POU6F1: variants seen among roughly 807,000 people sequenced by gnomAD.
The protein encoded by POU6F1 is POU class 6 homeobox 1, also known as POU domain, class 6, transcription factor 1.
A neutral mutation model predicts 28.9 loss-of-function variants in POU6F1; 9 were observed. The ratio of observed to expected loss-of-function variants is 0.31; its 90% CI spans 0.19 to 0.54. The LOEUF (loss-of-function observed/expected upper bound fraction) is 0.54. POU6F1 is among the 20% of genes least tolerant of loss of function. POU6F1 has a pLI of 0.94. For synonymous variants in POU6F1, 173 were observed against 171.1 expected, an observed-to-expected ratio of 1.01 and a Z score of -0.09; for missense variants, 338 against 426.1, an observed-to-expected ratio of 0.79 and a Z score of 1.82.
At chr12:51,210,979 CAG>C (rs1943948759) in intron 1 of POU6F1, among the ~76,000 whole-genome samples, 1 of 152,224 alleles carries the variant, frequency 6.6e-6, no homozygotes, top group South Asian at 2.1e-4. Context: ...GGTATCTGTG[CAG>C]ACTTTCCTCT....
At chr12:51,198,213 G>A (rs1050407781) in intron 5 of POU6F1, 190 bp from the exon 6 acceptor site, 8 of 397,316 alleles carry the variant, frequency 2.0e-5, no homozygotes, top group African/African-American at 6.2e-5. Flanking sequence ...CCTCCCTGGG[G>A]CCAGGAGATG....
At chr12:51,205,468 C>T (rs11330373) in intron 2 of POU6F1, among the ~76,000 whole-genome samples, 27,725 of 152,210 alleles carry the variant, frequency 0.18, 2,586 homozygotes, top group Middle Eastern at 0.21. Context: ...TCAGAACACT[C>T]AGTCTCCCTC....
chr12:51,195,542 T>C (rs913657981), intron 8 of POU6F1, among the ~76,000 whole-genome samples: 1 of 152,090 alleles, frequency 6.6e-6, no homozygotes, highest in African/African-American at 2.4e-5. Flanking sequence ...ACTCCTAGAA[T>C]GAGCAATGAG....
At chr12:51,194,793 A>G (rs543342427) in intron 8 of POU6F1, among the ~76,000 whole-genome samples, 18 of 152,278 alleles carry the variant, frequency 1.2e-4, no homozygotes, top group African/African-American at 3.6e-4. Context: ...TTCATTGCCT[A>G]TGTATAATAT....
At chr12:51,198,240 AGACGTT>A (rs2137135152) in intron 5 of POU6F1, 1 of 396,296 alleles carries the variant, frequency 2.5e-6, no homozygotes, top group East Asian at 3.6e-5. Flanking sequence ...TTCAAGAACC[AGACGTT>A]GAATCTTCTT....
chr12:51,191,734 C>A lies in POU6F1; in HGVS notation c.1352G>T (p.Gly451Val). ...CTCCCGGATCTCTTCTAAGTTGATC[C>A]CATCCTCATCCAGACTTGGAGTATG... ...KPHTPSLDED[G>V]INLEEIREFA... Residue 451 changes from glycine to valine, a missense_variant, in exon 10 of 11, where the codon GGG becomes GTG. This residue lies in a region of POU6F1 where 206 missense variants were observed against 225.6 expected (regional missense o/e 0.91). Transcript: ENST00000333640. 6.2e-7 allele frequency: 1 copy of A among 1,614,198 alleles called. No individual in the cohort carries two copies. Among genetic ancestry groups the A allele is most frequent in the Non-Finnish European group, 8.5e-7 (1 of 1,180,042 alleles).
chr12:51,187,150 C>T lies in POU6F1; in HGVS notation c.*3097G>A, dbSNP rs942266517. On this transcript the variant is annotated 3_prime_UTR_variant, in exon 11 of 11. Coordinates refer to ENST00000333640, the MANE Select transcript of POU6F1 (RefSeq NM_001330422.2). ...CAAGAACACAAAAATGTCAGAGTCTCGCATTCCAAACTCGTGTGTTCCTTA... is the reference window on the plus strand; with the variant it reads ...CAAGAACACAAAAATGTCAGAGTCTTGCATTCCAAACTCGTGTGTTCCTTA... 3 of 152,140 alleles carry T rather than the reference C, an allele frequency of 2.0e-5. No homozygotes were observed. Among genetic ancestry groups the T allele is most frequent in the Non-Finnish European group, 2.9e-5 (2 of 68,038 alleles). 9.4% of individuals were successfully genotyped at this position (152,140 alleles called of 1,614,324 possible).
intron 1 of POU6F1, chr12:51,207,118 G>A: frequency 8.2e-6 from 2 of 243,044 alleles, no homozygotes; most frequent in Non-Finnish European, 7.8e-6. Flanking sequence ...CTGCCCCTCG[G>A]GTTAAACCAA....
Position 51,187,815 on chromosome 12 carries a change from C to T in POU6F1, c.*2432G>A, listed in dbSNP as rs542634796. On this transcript the variant is annotated 3_prime_UTR_variant, in exon 11 of 11. Transcript: ENST00000333640. ...ATGGTGTTCCCCTGCACGTCCACCA[C>T]CACAGACACACCCTGGATTATGTGC... is the stretch of plus-strand genomic sequence containing the variant. The T allele has an allele frequency of 6.6e-6, 1 of 152,336 alleles. No homozygotes were observed. The highest frequency in any genetic ancestry group is 6.5e-5 in the Admixed American group (1 of 15,290). 9.4% of individuals were successfully genotyped at this position (152,336 alleles called of 1,614,324 possible).
intron 10 of POU6F1, among the ~76,000 whole-genome samples, chr12:51,191,340 G>A (rs574698039): frequency 6.6e-6 from 1 of 152,334 alleles, no homozygotes; most frequent in South Asian, 2.1e-4. Context: ...GTGGATTAGG[G>A]TCTTGGGTTC....
At chr12:51,200,372 C>A (rs905945070) in intron 3 of POU6F1, among the ~76,000 whole-genome samples, 2 of 152,160 alleles carry the variant, frequency 1.3e-5, no homozygotes, top group South Asian at 4.2e-4. Flanking sequence ...AAGCAACAGT[C>A]CCTGAAAATT....
In POU6F1 at chr12:51,191,610, C is replaced by T. The variant is rs1370220816; in HGVS notation, c.1476G>A (p.Gln492=). 1.2e-6 allele frequency: 2 copies of T among 1,613,254 alleles called. No homozygotes were observed. The highest frequency in any genetic ancestry group is 8.5e-7 in the Non-Finnish European group (1 of 1,179,922). The change falls in exon 10 of 11, where the codon CAG becomes CAA. Residue 492 remains glutamine (Q), a synonymous_variant. Coordinates refer to ENST00000333640, the MANE Select transcript of POU6F1 (RefSeq NM_001330422.2). The part of the protein sequence containing the change: ...LTATEGPAYS[Q]SAICRFEKLD... ...GCCTTACTCACCGGCAGATGGCTGA[C>T]TGGCTGTAGGCTGGACCTTCCGTTG...
intron 5 of POU6F1, 142 bp from the exon 6 acceptor site, chr12:51,198,165 C>G: frequency 2.5e-6 from 1 of 397,848 alleles, no homozygotes; most frequent in Non-Finnish European, 4.4e-6. Context: ...TTCCCTTGAT[C>G]CTTGAAGGGC....
At position 51,191,830 on chromosome 12, in the gene POU6F1, A is replaced by G. The variant is rs1329959547; in HGVS notation, c.1322-66T>C. Reference sequence around the variant, plus strand: ...GGAACCATCCCTGCTTATCTGGCTCATTGGTCTGAACTGACGCAGTAGTGA... The same window carrying G: ...GGAACCATCCCTGCTTATCTGGCTCGTTGGTCTGAACTGACGCAGTAGTGA... On this transcript the variant is annotated intron_variant, in intron 9 of 10. Coordinates refer to ENST00000333640, the MANE Select transcript of POU6F1 (RefSeq NM_001330422.2). The G allele has an allele frequency of 3.8e-6, 6 of 1,584,232 alleles. No homozygotes were observed. The African/African-American group carries it at 8.1e-5, about 21-fold the overall frequency.
At chr12:51,196,636 C>T (rs889527254) in intron 7 of POU6F1, among the ~76,000 whole-genome samples, 163 bp downstream of exon 7, 1 of 152,228 alleles carries the variant, frequency 6.6e-6, no homozygotes, top group Non-Finnish European at 1.5e-5. Flanking sequence ...TGGCTACACC[C>T]CTGCCCAGCT....
At chr12:51,204,604 G>A (rs1176804850) in intron 2 of POU6F1, among the ~76,000 whole-genome samples, 1 of 152,162 alleles carries the variant, frequency 6.6e-6, no homozygotes. Context: ...AGGGCCTGAC[G>A]CAAGCTAGAA....
intron 2 of POU6F1, among the ~76,000 whole-genome samples, chr12:51,204,628 A>C (rs1943455069): frequency 6.6e-6 from 1 of 152,130 alleles, no homozygotes; most frequent in Non-Finnish European, 1.5e-5. Context: ...TGTCCCCCAG[A>C]GCCAAACCAT....
chr12:51,204,077 C>T (rs933516600), intron 3 of POU6F1, 96 bp downstream of exon 3: 2 of 398,318 alleles, frequency 5.0e-6, no homozygotes, highest in Admixed American at 8.8e-5. Context: ...CCTAAAACCA[C>T]CTGAGCCCCA....
intron 3 of POU6F1, among the ~76,000 whole-genome samples, chr12:51,200,076 C>G (rs1368363141): frequency 6.6e-6 from 1 of 152,138 alleles, no homozygotes; most frequent in Non-Finnish European, 1.5e-5. Context: ...GGACAGGAGG[C>G]TGGGGAGCCC....
Sources: gnomAD v4.1 joint callset for allele counts (sites outside exome capture counted in the v4.1 genomes callset) on GRCh38, gnomAD v4.1.1 for gene constraint, gnomAD v4.1.1 regional missense constraint, MANE v1.5 for transcripts, NCBI Gene and HGNC (gene_info 2026-07-23, HGNC 2026-07-21) for gene names.